Variants in ACSL1 observed in about 807,000 individuals in gnomAD.
ACSL1 encodes long-chain-fatty-acid--CoA ligase 1.
In ACSL1, 41 loss-of-function variants were observed where a neutral mutation model predicts 98.4. The ratio of observed to expected loss-of-function variants is 0.42; its 90% CI spans 0.32 to 0.54. The LOEUF is 0.54. Ranked by LOEUF, ACSL1 falls within the 20% of genes least tolerant of loss-of-function variation. ACSL1 has a pLI of 0.13. For synonymous variants in ACSL1, 316 were observed against 322.7 expected (o/e 0.98, Z 0.22); for missense variants, 734 against 883.1 (o/e 0.83, Z 2.14).
In ACSL1 at chr4:184,796,500, T is replaced by C. The variant is rs554970626; in HGVS notation, c.195+6820A>G. ...GTCAGCAAAGTTGCTAGGGGTAGAA[T>C]TAAAAGGGGAAATCTTTGCTCCCAT... On this transcript the variant is annotated intron_variant, in intron 2 of 20. Transcript: ENST00000281455. Among the ~76,000 whole-genome samples, 14 of 152,334 alleles carry C rather than the reference T, an allele frequency of 9.2e-5. No individual in the cohort carries two copies. In the South Asian group the frequency reaches 2.3e-3, roughly 25 times the overall value.
intron 1 of ACSL1, chr4:184,808,460 T>A: frequency 3.0e-6 from 3 of 985,472 alleles, no homozygotes; most frequent in Non-Finnish European, 3.6e-6. Flanking sequence ...ATGACACCCT[T>A]GCCCCTGCAG....
rs1410129468 is a variant in ACSL1 at position 184,766,164 on chromosome 4, AC to A, written c.1264-179del. ...CAGCACAGGGCTACGGTTTGTTTCC[AC>A]CCGTGACTGCCCTGTTCCCTCCCAA... On this transcript the variant is annotated intron_variant, in intron 13 of 20. Coordinates refer to ENST00000281455, the MANE Select transcript of ACSL1 (RefSeq NM_001995.5). The surrounding 1 kb of genome is among the most constrained non-coding windows in gnomAD (Gnocchi z 4.8). Among the ~76,000 whole-genome samples, 1 of 152,142 alleles carries A rather than the reference AC, an allele frequency of 6.6e-6. No homozygotes were observed. Among genetic ancestry groups the A allele is most frequent in the Non-Finnish European group, 1.5e-5 (1 of 68,020 alleles).
chr4:184,803,113 A>C lies in ACSL1; in HGVS notation c.195+207T>G, dbSNP rs947983177. Among the ~76,000 whole-genome samples, 2 of 152,130 alleles carry C rather than the reference A, an allele frequency of 1.3e-5. No homozygotes were observed. The highest frequency in any genetic ancestry group is 2.9e-5 in the Non-Finnish European group (2 of 68,028). On this transcript the variant is annotated intron_variant, in intron 2 of 20. Transcript: ENST00000281455. The surrounding 1 kb of genome is among the most constrained non-coding windows in gnomAD (Gnocchi z 4.8). ...ATCTTCCATGTGACGAGAGGTAGAC[A>C]CCCAACCGACACCCTCTCATCTGTC...
At chr4:184,814,580 T>C (rs1235552673) in intron 1 of ACSL1, among the ~76,000 whole-genome samples, 7 of 152,216 alleles carry the variant, frequency 4.6e-5, no homozygotes, top group African/African-American at 1.7e-4. Flanking sequence ...GCTGTATTTT[T>C]CCCAATTTTT....
intron 4 of ACSL1, among the ~76,000 whole-genome samples, chr4:184,783,125 G>A (rs921705052): frequency 1.3e-5 from 2 of 152,174 alleles, no homozygotes; most frequent in Admixed American, 1.3e-4. Context: ...CCTGTTCCGG[G>A]GTGCCGTGTG....
rs1226492183 is a variant in ACSL1 at position 184,803,071 on chromosome 4, A to G, written c.195+249T>C. On this transcript the variant is annotated intron_variant, in intron 2 of 20. Transcript: ENST00000281455. The surrounding 1 kb of genome is among the most constrained non-coding windows in gnomAD (Gnocchi z 4.8). The stretch of plus-strand genomic sequence containing the variant: ...GTGCCTACCACAGCGTAGAAACTCA[A>G]TGTCATTTCTAGAATGATCTTCCAT... 6.6e-6 allele frequency among the ~76,000 whole-genome samples: 1 copy of G among 152,162 alleles called. No individual in the cohort carries two copies. Among genetic ancestry groups the G allele is most frequent in the Non-Finnish European group, 1.5e-5 (1 of 68,036 alleles).
Position 184,757,892 on chromosome 4 carries a change from T to C in ACSL1, c.1811A>G (p.Asp604Gly). Residue 604 changes from aspartate to glycine, a missense_variant, in exon 19 of 21, where the codon GAT becomes GGT. Asp to Gly is a moderately conservative substitution (Grantham distance 94, BLOSUM62 -1). Transcript: ENST00000281455. This position sits in a 1 kb window ranked among gnomAD's most constrained non-coding sequence, Gnocchi z 4.5. Reference sequence around the variant, plus strand: ...GGCCCAGGAACATAATGTCTCAACATCTGGTACCACAATTGCAATGAGAAA... The same window carrying C: ...GGCCCAGGAACATAATGTCTCAACACCTGGTACCACAATTGCAATGAGAAA... ...QAFLIAIVVP[D>G]VETLCSWAQK... is the part of the protein sequence containing the mutation. The C allele has an allele frequency of 6.2e-7, 1 of 1,614,146 alleles. No individual in the cohort carries two copies. The highest frequency in any genetic ancestry group is 1.1e-5 in the South Asian group (1 of 91,086).
At chr4:184,765,608 C>A (rs542747055) in intron 14 of ACSL1, among the ~76,000 whole-genome samples, 2 of 152,120 alleles carry the variant, frequency 1.3e-5, no homozygotes, top group Non-Finnish European at 2.9e-5. Context: ...AACAATGTAT[C>A]ATATACTTGA....
chr4:184,783,165 C>T (rs1180961416), intron 4 of ACSL1, among the ~76,000 whole-genome samples: 15 of 152,168 alleles, frequency 9.9e-5, no homozygotes, highest in African/African-American at 3.6e-4. Context: ...CACCCACATT[C>T]ATTGTAATCA....
chr4:184,808,320 T>C (rs747498865), intron 1 of ACSL1: 2 of 985,470 alleles, frequency 2.0e-6, no homozygotes, highest in Non-Finnish European at 2.4e-6. Context: ...TCATGTCATT[T>C]AGAAACCAAA....
At chr4:184,787,226 G>A (rs532232186) in intron 3 of ACSL1, among the ~76,000 whole-genome samples, 11 of 152,320 alleles carry the variant, frequency 7.2e-5, no homozygotes, top group African/African-American at 2.2e-4. Flanking sequence ...GGAGAAACCA[G>A]AGGTACTCCC....
chr4:184,772,906 CAAAGTGAAA>C lies in ACSL1; in HGVS notation c.915+166_915+174del, dbSNP rs559098402. ...TAAGGCAAGGGTTGGCGATTAGGTT[CAAAGTGAAA>C]AAAGAGAGAAGGTGGACTTGGGCCT... is the stretch of plus-strand genomic sequence containing the variant. On this transcript the variant is annotated intron_variant, in intron 10 of 20. Transcript: ENST00000281455. 9.2e-5 allele frequency among the ~76,000 whole-genome samples: 14 copies of C among 152,180 alleles called. No homozygotes were observed. In the South Asian group the frequency reaches 2.7e-3, roughly 29 times the overall value.
At chr4:184,759,961 G>A (rs530331535) in intron 18 of ACSL1, among the ~76,000 whole-genome samples, 2 of 152,244 alleles carry the variant, frequency 1.3e-5, no homozygotes, top group East Asian at 1.9e-4. Context: ...CACAACCACC[G>A]TTTGCTCAAA....
At chr4:184,790,559 A>G (rs1768175010) in intron 2 of ACSL1, among the ~76,000 whole-genome samples, 2 of 152,218 alleles carry the variant, frequency 1.3e-5, no homozygotes, top group Non-Finnish European at 2.9e-5. Flanking sequence ...GATTCCAAAC[A>G]TGCTTACTAA....
chr4:184,763,296 A>G (rs748603684), intron 15 of ACSL1, 41 bp from the exon 16 acceptor site: 1 of 1,568,396 alleles, frequency 6.4e-7, no homozygotes, highest in Non-Finnish European at 8.7e-7. Context: ...TAAGGGAACT[A>G]CTCATAACCT....
Position 184,805,388 on chromosome 4 carries a change from TACTC to T in ACSL1, c.-32-1846_-32-1843del, listed in dbSNP as rs895694596. 7.1e-6 allele frequency: 5 copies of T among 700,938 alleles called. No individual in the cohort carries two copies. In the African/African-American group the frequency reaches 7.7e-5, roughly 11 times the overall value. 43.4% of individuals were successfully genotyped at this position (700,938 alleles called of 1,614,324 possible). ...CTGCTACAATGAATCCATGTAAGTGTACTCACTCACACACACACACACAAACACA... is the reference window on the plus strand; with the variant it reads ...CTGCTACAATGAATCCATGTAAGTGTACTCACACACACACACACAAACACA... On this transcript the variant is annotated intron_variant, in intron 1 of 20. Coordinates refer to ENST00000281455, the MANE Select transcript of ACSL1 (RefSeq NM_001995.5).
chr4:184,789,146 G>A (rs1466394073), intron 2 of ACSL1, among the ~76,000 whole-genome samples: 2 of 152,246 alleles, frequency 1.3e-5, no homozygotes, highest in Non-Finnish European at 2.9e-5. Flanking sequence ...AGTGCAAGAT[G>A]TGCTGATGTA....
chr4:184,765,847 G>T, intron 14 of ACSL1, 44 bp downstream of exon 14: 1 of 1,562,080 alleles, frequency 6.4e-7, no homozygotes, highest in African/African-American at 1.4e-5. Context: ...AGAGGACTGG[G>T]CATCCTAGTG....
At chr4:184,762,675 G>C in intron 16 of ACSL1, 152 bp from the exon 17 acceptor site, 2 of 667,092 alleles carry the variant, frequency 3.0e-6, no homozygotes, top group South Asian at 1.8e-5. Flanking sequence ...AGCCCCACCA[G>C]GGTCTGCGAG....
Sources: gnomAD v4.1 joint callset for allele counts (sites outside exome capture counted in the v4.1 genomes callset) on GRCh38, gnomAD v4.1.1 for gene constraint, Gnocchi (gnomAD v3.1) non-coding constraint, MANE v1.5 for transcripts, NCBI Gene and HGNC (gene_info 2026-07-23, HGNC 2026-07-21) for gene names.